Variants in PCDHGB1 observed in about 807,000 individuals in gnomAD.
PCDHGB1 encodes the protein protocadherin gamma-B1.
Under a neutral mutation model 56.6 loss-of-function variants are expected in PCDHGB1, and 34 were observed. The ratio of observed to expected loss-of-function variants is 0.60; its 90% CI spans 0.46 to 0.80. The LOEUF is 0.80. Among genes scored for constraint, PCDHGB1 ranks in the 30% least tolerant of loss-of-function variants. The pLI is 0.00. For missense variants in PCDHGB1, 1,278 were observed against 1,204.6 expected (o/e 1.06, Z -0.90); for synonymous variants, 561 against 505.9 (o/e 1.11, Z -1.46).
Position 141,351,082 on chromosome 5 carries a change from CACCTATGCCT to C in PCDHGB1, c.823_832del (p.Thr275SerfsTer6), listed in dbSNP as rs1561499297. On this transcript the variant is annotated frameshift_variant, in exon 1 of 4. Transcript: ENST00000523390. LOFTEE classifies it high-confidence loss of function. ...AGGATGAGGGCATTAATGCAGAGAT[CACCTATGCCT>C]TCCTCAATTCCCCAATAAGTACCAG... 7.4e-6 allele frequency: 12 copies of C among 1,614,062 alleles called. No homozygotes were observed. The highest frequency in any genetic ancestry group is 9.3e-6 in the Non-Finnish European group (11 of 1,179,898).
intron 1 of PCDHGB1, chr5:141,357,158 CT>C (rs1186682296): frequency 1.2e-6 from 2 of 1,613,554 alleles, no homozygotes; most frequent in Middle Eastern, 1.6e-4. Flanking sequence ...GGCCAGCCCC[CT>C]CTCTCGGCCA....
intron 1 of PCDHGB1, among the ~76,000 whole-genome samples, chr5:141,380,385 A>G (rs543895642): frequency 3.0e-4 from 46 of 152,380 alleles, no homozygotes; most frequent in Non-Finnish European, 8.8e-5. Context: ...AAAAAAGAAA[A>G]GAGAGAAGAT....
At chr5:141,401,936 G>A (rs950687803) in intron 1 of PCDHGB1, among the ~76,000 whole-genome samples, 1 of 152,100 alleles carries the variant, frequency 6.6e-6, no homozygotes, top group African/African-American at 2.4e-5. Flanking sequence ...TTAGAATAAT[G>A]TTTAAGACCA....
At chr5:141,376,974 A>T (rs1055212132) in intron 1 of PCDHGB1, 1 of 158,030 alleles carries the variant, frequency 6.3e-6, no homozygotes, top group Non-Finnish European at 1.4e-5. Context: ...GGCGTGAGCC[A>T]CCGCGCCCGG....
In PCDHGB1 at chr5:141,490,091, A is replaced by T; in HGVS notation, c.2410-4716A>T. 6.2e-7 allele frequency: 1 copy of T among 1,614,240 alleles called. No homozygotes were observed. Among genetic ancestry groups the T allele is most frequent in the East Asian group, 2.2e-5 (1 of 44,888 alleles). ...CAACTAGACTATTCTTTTGGAGACC[A>T]CACATCTGAGGCAGTGCGGAACCTC... On this transcript the variant is annotated intron_variant, in intron 1 of 3. Coordinates refer to ENST00000523390, the MANE Select transcript of PCDHGB1 (RefSeq NM_018922.3). The surrounding 1 kb of genome is among the most constrained non-coding windows in gnomAD (Gnocchi z 5.4).
At chr5:141,365,312 G>C in intron 1 of PCDHGB1, 1 of 1,614,006 alleles carries the variant, frequency 6.2e-7, no homozygotes, top group Non-Finnish European at 8.5e-7. Context: ...AGGCGCTCTT[G>C]TTGCCAGCGC....
chr5:141,439,556 C>A (rs543620281), intron 1 of PCDHGB1, among the ~76,000 whole-genome samples: 1 of 152,268 alleles, frequency 6.6e-6, no homozygotes, highest in East Asian at 1.9e-4. Context: ...CTTCAGGCTG[C>A]AGTTCTAGAG....
chr5:141,439,186 C>T (rs2098094521), intron 1 of PCDHGB1, among the ~76,000 whole-genome samples: 1 of 141,808 alleles, frequency 7.1e-6, no homozygotes, highest in Admixed American at 7.0e-5. Flanking sequence ...TAGTGAGACT[C>T]TGACAAAAAA....
intron 1 of PCDHGB1, chr5:141,414,822 C>A: frequency 6.2e-7 from 1 of 1,614,240 alleles, no homozygotes; most frequent in Non-Finnish European, 8.5e-7. Context: ...TCAGCAGCAA[C>A]GTGTCGTTGA....
chr5:141,364,942 A>G (rs768570129), intron 1 of PCDHGB1: 1 of 1,613,802 alleles, frequency 6.2e-7, no homozygotes, highest in East Asian at 2.2e-5. Context: ...ACCGCGAGAA[A>G]GAGACTGTTC....
At chr5:141,402,091 G>A (rs1453803021) in intron 1 of PCDHGB1, among the ~76,000 whole-genome samples, 2 of 152,204 alleles carry the variant, frequency 1.3e-5, no homozygotes, top group African/African-American at 4.8e-5. Context: ...TAGCAGAAAA[G>A]TTTAAGCAAT....
intron 1 of PCDHGB1, chr5:141,396,327 A>C (rs1370175057): frequency 6.6e-6 from 1 of 152,430 alleles, no homozygotes; most frequent in Non-Finnish European, 1.5e-5. Flanking sequence ...CTCTAAAAAA[A>C]CTATTATTAG....
intron 1 of PCDHGB1, chr5:141,355,180 C>A (rs1383852861): frequency 1.3e-6 from 2 of 1,582,206 alleles, no homozygotes; most frequent in Middle Eastern, 4.6e-4. Context: ...GAAGCACAGG[C>A]GACTCCGCGG....
chr5:141,403,377 T>A, intron 1 of PCDHGB1: 1 of 1,614,016 alleles, frequency 6.2e-7, no homozygotes. Flanking sequence ...GAAGTAAAAA[T>A]TAACGAAATC....
chr5:141,355,081 C>G, intron 1 of PCDHGB1: 1 of 1,417,630 alleles, frequency 7.1e-7, no homozygotes, highest in Non-Finnish European at 9.4e-7. Context: ...AAGCTTCAAG[C>G]GGAAGCCCTG....
At chr5:141,465,284 A>C (rs2099100147) in intron 1 of PCDHGB1, among the ~76,000 whole-genome samples, 1 of 152,176 alleles carries the variant, frequency 6.6e-6, no homozygotes, top group African/African-American at 2.4e-5. Flanking sequence ...TTCACCCCTA[A>C]AGAACTGAGA....
chr5:141,404,485 T>C (rs780359921), intron 1 of PCDHGB1: 2 of 1,613,490 alleles, frequency 1.2e-6, no homozygotes, highest in Admixed American at 1.7e-5. Context: ...ACTCAGACAC[T>C]GGTGTGCTGT....
At chr5:141,453,811 A>G (rs541081089) in intron 1 of PCDHGB1, among the ~76,000 whole-genome samples, 1 of 152,350 alleles carries the variant, frequency 6.6e-6, no homozygotes, top group Admixed American at 6.5e-5. Context: ...AGTTCCATAA[A>G]GGACAAACTT....
rs147057088 is a variant in PCDHGB1 at position 141,432,065 on chromosome 5, A to C, written c.2410-62742A>C. 6.2e-7 allele frequency: 1 copy of C among 1,613,930 alleles called. No individual in the cohort carries two copies. Among genetic ancestry groups the C allele is most frequent in the Non-Finnish European group, 8.5e-7 (1 of 1,180,014 alleles). On this transcript the variant is annotated intron_variant, in intron 1 of 3. Coordinates refer to ENST00000523390, the MANE Select transcript of PCDHGB1 (RefSeq NM_018922.3). This position sits in a 1 kb window ranked among gnomAD's most constrained non-coding sequence, Gnocchi z 6.0. ...GGGAACCCCGCCCCTATCCACGGAA[A>C]CTCATATCTCGCTGAACGTGGCAGA...
Sources: allele counts gnomAD v4.1 joint callset (sites outside exome capture counted in the v4.1 genomes callset), GRCh38; gene constraint gnomAD v4.1.1; non-coding constraint Gnocchi (gnomAD v3.1); transcripts MANE v1.5; gene names NCBI Gene and HGNC (gene_info 2026-07-23, HGNC 2026-07-21).